The following HSD11B1 variants were observed in gnomAD, a reference collection of about 807,000 sequenced individuals.
HSD11B1 encodes the protein hydroxysteroid 11-beta dehydrogenase 1.
Under a neutral mutation model 22.1 loss-of-function variants are expected in HSD11B1, and 15 were observed. That is an observed-to-expected ratio of 0.68 (90% CI 0.45 to 1.04). The LOEUF is 1.04. HSD11B1 is among the 50% of genes least tolerant of loss of function. The pLI is 0.00. For missense variants in HSD11B1, 281 were observed against 357.6 expected (o/e 0.79, Z 1.73); for synonymous variants, 122 against 125.2 (o/e 0.97, Z 0.17).
At chr1:209,705,063 A>C (rs1186427601) in intron 1 of HSD11B1, 33 bp downstream of exon 1, 5 of 1,548,628 alleles carry the variant, frequency 3.2e-6, no homozygotes, top group Non-Finnish European at 4.5e-6. Context: ...TTGGAGGAAT[A>C]GGTTTAAAAA....
chr1:209,691,256 G>A (rs965033927), intron 1 of HSD11B1, among the ~76,000 whole-genome samples: 6 of 152,172 alleles, frequency 3.9e-5, no homozygotes, highest in African/African-American at 9.7e-5. Context: ...AAGGACAAGC[G>A]GATGGGGCTG....
Position 209,722,314 on chromosome 1 carries a change from C to T in HSD11B1, c.518-10122C>T, listed in dbSNP as rs192164504. ...ATTTTTGTGCTGTTTCAACACCAAA[C>T]GCTCTTTCCTAGTGATCAGCCAAAA... On this transcript the variant is annotated intron_variant, in intron 4 of 5. Coordinates refer to ENST00000367027, the MANE Select transcript of HSD11B1 (RefSeq NM_005525.4). 6.6e-5 allele frequency among the ~76,000 whole-genome samples: 10 copies of T among 152,296 alleles called. No individual in the cohort carries two copies. In the East Asian group the frequency reaches 1.5e-3, roughly 24 times the overall value.
At chr1:209,693,610 C>T (rs2076773938) in intron 1 of HSD11B1, among the ~76,000 whole-genome samples, 1 of 152,252 alleles carries the variant, frequency 6.6e-6, no homozygotes, top group South Asian at 2.1e-4. Context: ...CTCCATAAAT[C>T]ATATCCTTCC....
intron 1 of HSD11B1, among the ~76,000 whole-genome samples, chr1:209,688,425 A>G (rs929083312): frequency 2.0e-5 from 3 of 152,124 alleles, no homozygotes; most frequent in Admixed American, 2.0e-4. Flanking sequence ...TTACTTGCCA[A>G]CTTTCCTTGT....
At chr1:209,734,206 CAAAAG>C in intron 5 of HSD11B1, 93 bp from the exon 6 acceptor site, 1 of 923,770 alleles carries the variant, frequency 1.1e-6, no homozygotes, top group South Asian at 1.4e-5. Context: ...CAAACACTGC[CAAAAG>C]CCCCTGACAG....
At chr1:209,690,006 G>T (rs1467592637) in intron 1 of HSD11B1, among the ~76,000 whole-genome samples, 1 of 152,176 alleles carries the variant, frequency 6.6e-6, no homozygotes, top group Non-Finnish European at 1.5e-5. Context: ...TGATCAAGAA[G>T]CCAATTTTTG....
chr1:209,690,133 T>C (rs890923698), intron 1 of HSD11B1, among the ~76,000 whole-genome samples: 1 of 151,918 alleles, frequency 6.6e-6, no homozygotes, highest in Non-Finnish European at 1.5e-5. Flanking sequence ...CAGGGCAACA[T>C]AGAGAGACCC....
chr1:209,718,725 G>T (rs11487867), intron 4 of HSD11B1, among the ~76,000 whole-genome samples: 21,571 of 152,060 alleles, frequency 0.14, 1,841 homozygotes, highest in Non-Finnish European at 0.18. Flanking sequence ...CTATTTCTGG[G>T]TATATACACA....
chr1:209,722,507 T>G (rs6679099), intron 4 of HSD11B1, among the ~76,000 whole-genome samples: 29,964 of 152,194 alleles, frequency 0.2, 3,018 homozygotes, highest in Non-Finnish European at 0.2. Context: ...TCATTCCATT[T>G]CTTCAAGAAT....
In HSD11B1 at chr1:209,732,523, C is replaced by A; in HGVS notation, c.605C>A (p.Ser202Ter). The change falls in exon 5 of 6, where the codon TCA becomes TAA. Residue 202 changes from serine (S) to a stop codon, truncating the protein, a stop_gained. Coordinates refer to ENST00000367027, the MANE Select transcript of HSD11B1 (RefSeq NM_005525.4). LOFTEE classifies it high-confidence loss of function. ...GFFSSIRKEY[S>*]VSRVNVSITL... ...TTCTCCTCCATCAGAAAGGAATATTCAGTGTCCAGGGTCAATGTATCAATC... is the reference window on the plus strand; with the variant it reads ...TTCTCCTCCATCAGAAAGGAATATTAAGTGTCCAGGGTCAATGTATCAATC... 6.2e-7 allele frequency: 1 copy of A among 1,613,816 alleles called. No individual in the cohort carries two copies. Among genetic ancestry groups the A allele is most frequent in the Non-Finnish European group, 8.5e-7 (1 of 1,179,738 alleles).
intron 4 of HSD11B1, among the ~76,000 whole-genome samples, chr1:209,721,079 C>T (rs1054829501): frequency 6.6e-6 from 1 of 152,126 alleles, no homozygotes; most frequent in African/African-American, 2.4e-5. Flanking sequence ...ATGCCGGCAG[C>T]CACTAGAAGC....
At chr1:209,687,186 G>A (rs909801281) in intron 1 of HSD11B1, among the ~76,000 whole-genome samples, 1 of 152,220 alleles carries the variant, frequency 6.6e-6, no homozygotes, top group Non-Finnish European at 1.5e-5. Context: ...AGACGACGAT[G>A]ATGTGTTTTC....
At chr1:209,734,007 C>T (rs141577509) in intron 5 of HSD11B1, among the ~76,000 whole-genome samples, 4 of 152,162 alleles carry the variant, frequency 2.6e-5, no homozygotes, top group African/African-American at 9.7e-5. Context: ...TACTTCTCCG[C>T]CTCCAACCAA....
intron 4 of HSD11B1, among the ~76,000 whole-genome samples, chr1:209,730,783 T>A (rs1890085): frequency 6.6e-6 from 1 of 152,230 alleles, no homozygotes. Context: ...ATATTATATT[T>A]GAAACATATA....
chr1:209,734,674 C>A lies in HSD11B1; in HGVS notation c.*153C>A, dbSNP rs560347640. ...TGACAAATGGAAGGAGTTCCTCTAACATTTGCAAAATGGAAATGTAATAAT... is the reference window on the plus strand; with the variant it reads ...TGACAAATGGAAGGAGTTCCTCTAAAATTTGCAAAATGGAAATGTAATAAT... On this transcript the variant is annotated 3_prime_UTR_variant, in exon 6 of 6. Coordinates refer to ENST00000367027, the MANE Select transcript of HSD11B1 (RefSeq NM_005525.4). 21 of 666,326 alleles carry A rather than the reference C, an allele frequency of 3.2e-5. No homozygotes were observed. The African/African-American group carries it at 3.6e-4, about 11-fold the overall frequency. 41.3% of individuals were successfully genotyped at this position (666,326 alleles called of 1,614,324 possible).
rs71143893 is a variant in HSD11B1 at position 209,709,937 on chromosome 1, A to AACACACACACACACACACAC, written c.517+2827_517+2846dup. Reference sequence around the variant, plus strand: ...ACCCTCCAGGCCATCCCACATGTGAAACACACACACACACACACACACACA... The same window carrying AACACACACACACACACACAC: ...ACCCTCCAGGCCATCCCACATGTGAAACACACACACACACACACACACACACACACACACACACACACACA... On this transcript the variant is annotated intron_variant, in intron 4 of 5. Transcript: ENST00000367027. Among the ~76,000 whole-genome samples the AACACACACACACACACACAC allele has an allele frequency of 1.9e-4, 27 of 143,894 alleles. No individual in the cohort carries two copies. The East Asian group carries it at 2.9e-3, about 15-fold the overall frequency. 94.4% of individuals were successfully genotyped at this position (143,894 alleles called of 152,430 possible). A position where few individuals can be genotyped will look rare whatever the true frequency, so the allele number is the denominator to read the frequency against.
upstream of HSD11B1, among the ~76,000 whole-genome samples, chr1:209,700,864 A>G (rs898664064): frequency 1.3e-5 from 2 of 152,208 alleles, no homozygotes; most frequent in Non-Finnish European, 2.9e-5. Flanking sequence ...GGCAAATGCC[A>G]ACAGTCTCTT....
intron 4 of HSD11B1, among the ~76,000 whole-genome samples, chr1:209,712,686 T>G (rs936550627): frequency 1.3e-5 from 2 of 152,212 alleles, no homozygotes; most frequent in African/African-American, 4.8e-5. Context: ...TTTTGTGTAT[T>G]TTTTAAAGTC....
Position 209,706,816 on chromosome 1 carries a change from C to T in HSD11B1, c.327C>T (p.Leu109=). 1 of 1,613,698 alleles carries T rather than the reference C, an allele frequency of 6.2e-7. No individual in the cohort carries two copies. The highest frequency in any genetic ancestry group is 8.5e-7 in the Non-Finnish European group (1 of 1,179,606). Residue 109 remains leucine, a synonymous_variant, in exon 3 of 6, where the codon CTC becomes CTT. Coordinates refer to ENST00000367027, the MANE Select transcript of HSD11B1 (RefSeq NM_005525.4). This position sits in a 1 kb window ranked among gnomAD's most constrained non-coding sequence, Gnocchi z 4.0. The part of the protein sequence containing the change: ...AEQFVAQAGK[L]MGGLDMLILN... ...AATTTGTTGCCCAAGCAGGAAAGCT[C>T]ATGGGTGAGGCTGTTTCTCTTACCT...
Sources: gnomAD v4.1 joint callset for allele counts (sites outside exome capture counted in the v4.1 genomes callset) on GRCh38, gnomAD v4.1.1 for gene constraint, Gnocchi (gnomAD v3.1) non-coding constraint, MANE v1.5 for transcripts, NCBI Gene and HGNC (gene_info 2026-07-23, HGNC 2026-07-21) for gene names.